Variants in KLRG2 observed in about 807,000 individuals in gnomAD.
The protein encoded by KLRG2 is killer cell lectin-like receptor subfamily G member 2.
KLRG2 carries 39 observed loss-of-function variants against 35.4 expected under a neutral mutation model. The observed-to-expected ratio is 1.10, with a 90% confidence interval of 0.85 to 1.44. The LOEUF (loss-of-function observed/expected upper bound fraction) is 1.44. Ranked by LOEUF, KLRG2 falls within the 40% of genes most tolerant of loss-of-function variation. The pLI, the probability that KLRG2 is intolerant of heterozygous loss-of-function variation, is 0.00. For missense variants in KLRG2, 632 were observed against 570.9 expected (o/e 1.11, Z -1.09); for synonymous variants, 283 against 265.8 (o/e 1.06, Z -0.63).
the KLRG2 span, among the ~76,000 whole-genome samples, chr7:139,433,958 G>A: frequency 1.3e-5 from 2 of 152,032 alleles, no homozygotes; most frequent in East Asian, 1.9e-4. Context: ...CATCACGTGC[G>A]TTTTTTAACC....
chr7:139,445,781 G>GTATGTATATA, the KLRG2 span, among the ~76,000 whole-genome samples: 6 of 98,506 alleles, frequency 6.1e-5, 2 homozygotes, highest in African/African-American at 3.1e-4. Context: ...ATATATATAT[G>GTATGTATATA]TATATATATA....
intron 3 of KLRG2, among the ~76,000 whole-genome samples, chr7:139,464,664 C>T (rs1319430402): frequency 6.6e-6 from 1 of 152,140 alleles, no homozygotes; most frequent in Non-Finnish European, 1.5e-5. Context: ...AGCCAAAGTG[C>T]AGGACTCTGT....
chr7:139,442,298 G>A, the KLRG2 span, among the ~76,000 whole-genome samples: 2 of 152,326 alleles, frequency 1.3e-5, no homozygotes, highest in Non-Finnish European at 2.9e-5. Context: ...TGCATCTGAT[G>A]AGCTCAGCGG....
intron 3 of KLRG2, among the ~76,000 whole-genome samples, chr7:139,460,209 G>A (rs958431168): frequency 6.6e-5 from 10 of 151,988 alleles, no homozygotes; most frequent in African/African-American, 2.2e-4. Context: ...TGGGAAAAAT[G>A]GGAAGATACC....
intron 3 of KLRG2, among the ~76,000 whole-genome samples, chr7:139,471,510 A>T (rs890305458): frequency 2.0e-5 from 3 of 152,050 alleles, no homozygotes; most frequent in African/African-American, 7.2e-5. Flanking sequence ...AAAATACAAA[A>T]ATTAGCCAGG....
At chr7:139,479,484 G>A (rs769567613) in intron 3 of KLRG2, 143 bp downstream of exon 3, 13 of 825,326 alleles carry the variant, frequency 1.6e-5, no homozygotes, top group Non-Finnish European at 2.5e-5. Flanking sequence ...GAGGCTGCAC[G>A]AAGTTATGGT....
chr7:139,480,971 T>C (rs1323354717), intron 1 of KLRG2, among the ~76,000 whole-genome samples: 2 of 151,990 alleles, frequency 1.3e-5, no homozygotes, highest in African/African-American at 4.8e-5. Context: ...CTTGAACTCC[T>C]GACCCTAAGT....
intron 3 of KLRG2, among the ~76,000 whole-genome samples, chr7:139,478,296 T>C (rs1179455120): frequency 6.7e-6 from 1 of 149,064 alleles, no homozygotes; most frequent in African/African-American, 2.5e-5. Flanking sequence ...AGCCTGGGAG[T>C]TCAAGGCTGC....
chr7:139,464,698 C>T (rs1247547595), intron 3 of KLRG2, among the ~76,000 whole-genome samples: 1 of 152,238 alleles, frequency 6.6e-6, no homozygotes, highest in Non-Finnish European at 1.5e-5. Context: ...ACACAAGAGC[C>T]AGGACCGCGC....
chr7:139,431,506 A>G, the KLRG2 span, among the ~76,000 whole-genome samples: 1 of 152,088 alleles, frequency 6.6e-6, no homozygotes, highest in African/African-American at 2.4e-5. Context: ...CAGCATCAGA[A>G]TTACCAGGAA....
At chr7:139,432,304 G>C in the KLRG2 span, among the ~76,000 whole-genome samples, 3 of 151,646 alleles carry the variant, frequency 2.0e-5, no homozygotes, top group African/African-American at 7.3e-5. Context: ...AGTGAGCTGT[G>C]ATCACACCAC....
the KLRG2 span, among the ~76,000 whole-genome samples, chr7:139,437,163 A>G: frequency 5.4e-4 from 83 of 152,320 alleles, no homozygotes; most frequent in Admixed American, 1.8e-3. Context: ...GCAGTGGCTC[A>G]TGCCTGTAAT....
At chr7:139,473,675 TAAGAA>T (rs1212548108) in intron 3 of KLRG2, among the ~76,000 whole-genome samples, 1 of 152,090 alleles carries the variant, frequency 6.6e-6, no homozygotes, top group African/African-American at 2.4e-5. Flanking sequence ...CACAATGAGA[TAAGAA>T]AAGATGGCAT....
At chr7:139,466,745 T>TA (rs1029095163) in intron 3 of KLRG2, among the ~76,000 whole-genome samples, 4 of 122,860 alleles carry the variant, frequency 3.3e-5, no homozygotes, top group Non-Finnish European at 3.4e-5. Flanking sequence ...AAAAATAAAA[T>TA]AAAAAAAATA....
At chr7:139,428,942 G>A in the KLRG2 span, among the ~76,000 whole-genome samples, 2 of 152,208 alleles carry the variant, frequency 1.3e-5, no homozygotes, top group African/African-American at 4.8e-5. Flanking sequence ...GATCTAAGTA[G>A]ATCACTGGTT....
chr7:139,476,130 C>T (rs1428019353), intron 3 of KLRG2, among the ~76,000 whole-genome samples: 4 of 152,212 alleles, frequency 2.6e-5, no homozygotes, highest in African/African-American at 9.6e-5. Context: ...AGGCCAGGCA[C>T]GGTGGCTCAT....
intron 3 of KLRG2, among the ~76,000 whole-genome samples, chr7:139,474,625 T>G (rs1215750176): frequency 6.6e-6 from 1 of 151,882 alleles, no homozygotes; most frequent in African/African-American, 2.4e-5. Flanking sequence ...GCTGGGCATG[T>G]TGGCACACGC....
downstream of KLRG2, among the ~76,000 whole-genome samples, chr7:139,450,355 C>T (rs947553878): frequency 2.6e-5 from 4 of 152,114 alleles, no homozygotes; most frequent in African/African-American, 7.2e-5. Flanking sequence ...TCCCGAGTAG[C>T]TGGGACTACA....
chr7:139,480,195 C>T lies in KLRG2; in HGVS notation c.810G>A (p.Val270=). 6.2e-7 allele frequency: 1 copy of T among 1,613,848 alleles called. No homozygotes were observed. Among genetic ancestry groups the T allele is most frequent in the Non-Finnish European group, 8.5e-7 (1 of 1,179,860 alleles). ...SLYWALAFMA[V]LLAVSGVVIV... ...TGACAACCCCAGAGACTGCCAGGAG[C>T]ACAGCCATGAACGCCAGGGCCCAGT... Residue 270 remains valine (V), a synonymous_variant, in exon 2 of 5, where the codon GTG becomes GTA. Coordinates refer to ENST00000340940, the MANE Select transcript of KLRG2 (RefSeq NM_198508.4).
Sources: gnomAD v4.1 joint callset for allele counts (sites outside exome capture counted in the v4.1 genomes callset) on GRCh38, gnomAD v4.1.1 for gene constraint, MANE v1.5 for transcripts, NCBI Gene and HGNC (gene_info 2026-07-23, HGNC 2026-07-21) for gene names.